The following CPNE8 variants were observed in gnomAD, a reference collection of about 807,000 sequenced individuals.
CPNE8 encodes the protein copine 8, also known as copine-8.
A neutral mutation model predicts 81.5 loss-of-function variants in CPNE8; 45 were observed. The observed-to-expected ratio is 0.55, with a 90% confidence interval of 0.44 to 0.71. The LOEUF is 0.71. CPNE8 is among the 30% of genes least tolerant of loss of function. The probability of loss-of-function intolerance (pLI) is 0.00; values close to 1 mark genes in which losing one functional copy is unlikely to be tolerated. For missense variants in CPNE8, 594 were observed against 672.1 expected (o/e 0.88, Z 1.28); for synonymous variants, 252 against 226.3 (o/e 1.11, Z -1.02).
chr12:38,766,972 C>CTATTAAGTACTTAA (rs1444673587), intron 8 of CPNE8, among the ~76,000 whole-genome samples: 1 of 152,008 alleles, frequency 6.6e-6, no homozygotes, highest in Non-Finnish European at 1.5e-5. Context: ...TGCCATAGTA[C>CTATTAAGTACTTAA]TATAGCTATT....
intron 1 of CPNE8, among the ~76,000 whole-genome samples, chr12:38,878,596 T>C (rs1317406880): frequency 1.3e-5 from 2 of 152,318 alleles, no homozygotes; most frequent in African/African-American, 2.4e-5. Context: ...GTTTCCCATA[T>C]AGTAGTTACT....
chr12:38,656,102 T>TA lies in CPNE8; in HGVS notation c.1507-2033dup, dbSNP rs34646191. Among the ~76,000 whole-genome samples the TA allele has an allele frequency of 8.5e-3, 1,210 of 141,902 alleles. 12 individuals carry two copies. The highest frequency in any genetic ancestry group is 0.052 in the East Asian group (253 of 4,894). 93.1% of individuals were successfully genotyped at this position (141,902 alleles called of 152,430 possible). On this transcript the variant is annotated intron_variant, in intron 19 of 19. Coordinates refer to ENST00000331366, the MANE Select transcript of CPNE8 (RefSeq NM_153634.3). ...TTTTAACAGAAAAAAATCAAAGAGG[T>TA]AAAAAAAAAACAAAAAACAAAAAAA... is the stretch of plus-strand genomic sequence containing the variant.
intron 10 of CPNE8, among the ~76,000 whole-genome samples, chr12:38,758,794 A>T (rs1941516933): frequency 6.6e-6 from 1 of 152,220 alleles, no homozygotes; most frequent in African/African-American, 2.4e-5. Context: ...AGATAATTAA[A>T]TTCCAAGGTA....
chr12:38,807,029 T>C (rs373403126), intron 6 of CPNE8, among the ~76,000 whole-genome samples: 297 of 152,080 alleles, frequency 2.0e-3, no homozygotes, highest in African/African-American at 6.7e-3. Context: ...AAATACCTAG[T>C]AATCCAACTT....
At chr12:38,864,607 C>T (rs1475745430) in intron 3 of CPNE8, among the ~76,000 whole-genome samples, 2 of 152,124 alleles carry the variant, frequency 1.3e-5, no homozygotes, top group East Asian at 1.9e-4. Context: ...CGGAGAAAGG[C>T]GATCCCATCA....
At chr12:38,792,842 C>T (rs1942357993) in intron 6 of CPNE8, among the ~76,000 whole-genome samples, 1 of 151,800 alleles carries the variant, frequency 6.6e-6, no homozygotes, top group African/African-American at 2.4e-5. Context: ...CAACAAAATA[C>T]TGGCAAACTG....
intron 5 of CPNE8, among the ~76,000 whole-genome samples, chr12:38,832,629 C>T (rs893211332): frequency 3.9e-5 from 6 of 152,116 alleles, no homozygotes; most frequent in South Asian, 2.1e-4. Flanking sequence ...AATGTACATA[C>T]GACTTAAATG....
chr12:38,674,412 G>C (rs559032341), intron 18 of CPNE8, among the ~76,000 whole-genome samples: 2 of 152,216 alleles, frequency 1.3e-5, no homozygotes. Context: ...GCAAATAGTA[G>C]CCAAAGAAGA....
chr12:38,858,778 AT>A (rs547150203), intron 3 of CPNE8, among the ~76,000 whole-genome samples: 14 of 152,042 alleles, frequency 9.2e-5, no homozygotes, highest in African/African-American at 3.4e-4. Context: ...AGCAAATGAG[AT>A]TTTTTTTCCT....
chr12:38,906,612 G>A, upstream of CPNE8: 1 of 985,538 alleles, frequency 1.0e-6, no homozygotes, highest in Non-Finnish European at 1.2e-6. Context: ...AGAGGAGTCA[G>A]AGTGAGCGCT....
chr12:38,714,364 T>G (rs1940336015), intron 13 of CPNE8, among the ~76,000 whole-genome samples: 1 of 152,040 alleles, frequency 6.6e-6, no homozygotes, highest in Non-Finnish European at 1.5e-5. Flanking sequence ...ATCTCCAATT[T>G]TAGGTAGACA....
chr12:38,756,019 G>A lies in CPNE8; in HGVS notation c.722+4828C>T, dbSNP rs1380897969. On this transcript the variant is annotated intron_variant, in intron 10 of 19. Coordinates refer to ENST00000331366, the MANE Select transcript of CPNE8 (RefSeq NM_153634.3). ...CCCGCCACTGCACTCCAGCCTGGGCGACAGAGCGAGACTCCGTCTCAAAAA... is the reference window on the plus strand; with the variant it reads ...CCCGCCACTGCACTCCAGCCTGGGCAACAGAGCGAGACTCCGTCTCAAAAA... Among the ~76,000 whole-genome samples, 9 of 124,010 alleles carry A rather than the reference G, an allele frequency of 7.3e-5. 1 individual carries two copies. In the South Asian group the frequency reaches 2.2e-3, roughly 31 times the overall value. The allele number at this position is 124,010 out of a possible 152,430, so 81.4% of individuals were successfully genotyped here.
chr12:38,660,469 A>G (rs1460677839), intron 19 of CPNE8, among the ~76,000 whole-genome samples: 2 of 152,236 alleles, frequency 1.3e-5, no homozygotes, highest in African/African-American at 4.8e-5. Flanking sequence ...TTAATTCAAG[A>G]TGGATTAAAG....
chr12:38,857,732 G>A (rs768450349), intron 3 of CPNE8, among the ~76,000 whole-genome samples: 34 of 152,032 alleles, frequency 2.2e-4, no homozygotes, highest in East Asian at 1.9e-4. Context: ...CCAACATGGC[G>A]AACCCCCAAA....
chr12:38,814,144 G>A (rs7309194), intron 6 of CPNE8, among the ~76,000 whole-genome samples: 29,024 of 151,848 alleles, frequency 0.19, 4,976 homozygotes, highest in African/African-American at 0.46. Context: ...TCAAGATGCA[G>A]GCAAGGTCTC....
At chr12:38,841,429 T>G (rs1029507012) in intron 4 of CPNE8, among the ~76,000 whole-genome samples, 1 of 152,240 alleles carries the variant, frequency 6.6e-6, no homozygotes, top group South Asian at 2.1e-4. Flanking sequence ...AGGAGAAAAA[T>G]ACAATGTGTG....
In CPNE8 at chr12:38,653,203, A is replaced by C. The variant is rs149787739; in HGVS notation, c.*679T>G. 9.4e-4 allele frequency: 143 copies of C among 152,732 alleles called. No homozygotes were observed. Among genetic ancestry groups the C allele is most frequent in the African/African-American group, 3.3e-3 (136 of 41,572 alleles). The allele number at this position is 152,732 out of a possible 1,614,324, so 9.5% of individuals were successfully genotyped here. A position where few individuals can be genotyped will look rare whatever the true frequency, so the allele number is the denominator to read the frequency against. On this transcript the variant is annotated 3_prime_UTR_variant, in exon 20 of 20. Coordinates refer to ENST00000331366, the MANE Select transcript of CPNE8 (RefSeq NM_153634.3). The stretch of plus-strand genomic sequence containing the variant: ...AATTTAGAACCCAAACTCCATGAAA[A>C]ATGCATGTTCAACCAGGAGACACAT...
In CPNE8 at chr12:38,693,761, C is replaced by G; in HGVS notation, c.1039G>C (p.Val347Leu). The change falls in exon 15 of 20, where the codon GTG (valine) becomes CTG (leucine). Residue 347 changes from valine to leucine, a missense_variant. Val to Leu is a conservative substitution (Grantham distance 32). Coordinates refer to ENST00000331366, the MANE Select transcript of CPNE8 (RefSeq NM_153634.3). ...TCATAATCTTGAACAATTTCTCCCA[C>G]TGCTTTTAGTGCCATACCATAGGCA... is the stretch of plus-strand genomic sequence containing the variant. ...LNAYGMALKA[V>L]GEIVQDYDSD... The G allele has an allele frequency of 6.2e-7, 1 of 1,613,582 alleles. No homozygotes were observed.
rs903597565 is a variant in CPNE8, at chr12:38,653,727, G to C, written c.*155C>G. ...CAACCATATTTACAGTTTTGGTTTA[G>C]GAAGATATTTAAATTTGGATCCAAG... On this transcript the variant is annotated 3_prime_UTR_variant, in exon 20 of 20. Coordinates refer to ENST00000331366, the MANE Select transcript of CPNE8 (RefSeq NM_153634.3). The C allele has an allele frequency of 3.4e-6, 4 of 1,166,614 alleles. No homozygotes were observed. The African/African-American group carries it at 4.8e-5, about 14-fold the overall frequency. 72.3% of individuals were successfully genotyped at this position (1,166,614 alleles called of 1,614,324 possible).
Sources: gnomAD v4.1 joint callset for allele counts (sites outside exome capture counted in the v4.1 genomes callset) on GRCh38, gnomAD v4.1.1 for gene constraint, MANE v1.5 for transcripts, NCBI Gene and HGNC (gene_info 2026-07-23, HGNC 2026-07-21) for gene names.